The following ADGRB1 variants were observed in gnomAD, a reference collection of about 807,000 sequenced individuals.
ADGRB1 encodes the protein adhesion G protein-coupled receptor B1.
A neutral mutation model predicts 175.7 loss-of-function variants in ADGRB1; 36 were observed. The observed-to-expected ratio is 0.20, with a 90% CI of 0.16 to 0.27. ADGRB1 has a LOEUF of 0.27. Ranked by LOEUF, ADGRB1 falls within the 10% of genes least tolerant of loss-of-function variation. The probability of loss-of-function intolerance (pLI) is 1.00; values close to 1 mark genes in which losing one functional copy is unlikely to be tolerated. For missense variants in ADGRB1, 1,731 were observed against 2,255.3 expected, an observed-to-expected ratio of 0.77 and a Z score of 4.71; for synonymous variants, 1,054 against 979.4, an observed-to-expected ratio of 1.08 and a Z score of -1.42.
rs1342018994 is a variant in ADGRB1, at chr8:142,449,901, G to A, written c.-423G>A. The A allele has an allele frequency of 6.8e-6, 1 of 148,078 alleles. No homozygotes were observed. The highest frequency in any genetic ancestry group is 2.5e-5 in the African/African-American group (1 of 40,802). The allele number at this position is 148,078 out of a possible 1,614,324, so 9.2% of individuals were successfully genotyped here. On this transcript the variant is annotated 5_prime_UTR_variant, in exon 1 of 31. Transcript: ENST00000517894. ...GGCTCCAGCAGGCGCGGGGGAACGG[G>A]AGGGGGCCTGCGTGCGCCGGCGGGT... is the stretch of plus-strand genomic sequence containing the variant.
At chr8:142,463,384 C>G (rs1270265060) in intron 1 of ADGRB1, among the ~76,000 whole-genome samples, 1 of 152,246 alleles carries the variant, frequency 6.6e-6, no homozygotes, top group Non-Finnish European at 1.5e-5. Context: ...CTCTGCACCC[C>G]CTTCCTGCTC....
At chr8:142,461,457 C>A (rs1839965787) in intron 1 of ADGRB1, among the ~76,000 whole-genome samples, 1 of 152,250 alleles carries the variant, frequency 6.6e-6, no homozygotes, top group African/African-American at 2.4e-5. Flanking sequence ...GCGTCGTGGC[C>A]AGCTGGGCTT....
At chr8:142,479,533 C>T (rs773571648) in intron 8 of ADGRB1, 46 bp downstream of exon 8, 3 of 1,508,670 alleles carry the variant, frequency 2.0e-6, no homozygotes, top group South Asian at 1.3e-5. Context: ...GGGCTGATGG[C>T]GATTGGGCGG....
chr8:142,479,092 G>A, intron 7 of ADGRB1: 1 of 444,898 alleles, frequency 2.2e-6, no homozygotes, highest in Non-Finnish European at 3.9e-6. Flanking sequence ...AGGGTGGTGG[G>A]GTTGGCTGCA....
At chr8:142,469,083 G>A (rs1840437958) in intron 2 of ADGRB1, among the ~76,000 whole-genome samples, 1 of 152,272 alleles carries the variant, frequency 6.6e-6, no homozygotes, top group South Asian at 2.1e-4. Flanking sequence ...CGCTGCCATC[G>A]AGTGGTAACA....
chr8:142,526,509 A>ACCCCCCCCCCCCCCC, intron 23 of ADGRB1, 33 bp from the exon 24 acceptor site: 1 of 463,090 alleles, frequency 2.2e-6, no homozygotes, highest in Non-Finnish European at 3.3e-6. Flanking sequence ...GGCGGCCCCC[A>ACCCCCCCCCCCCCCC]CCCCCACACC....
rs145659960 is a variant in ADGRB1 at position 142,527,620 on chromosome 8, CCTCT to C, written c.3398+996_3398+999del. 2.3e-3 allele frequency among the ~76,000 whole-genome samples: 344 copies of C among 152,194 alleles called. 4 individuals are homozygous for C. Among genetic ancestry groups the C allele is most frequent in the African/African-American group, 7.7e-3 (318 of 41,510 alleles). On this transcript the variant is annotated intron_variant, in intron 24 of 30. Transcript: ENST00000517894. ...CCTGGGAGATGGAGGCTGGAACAGG[CCTCT>C]CTAAGGCCTTGCCCTACCTGTCCCC...
chr8:142,474,648 A>AC lies in ADGRB1; in HGVS notation c.785-820dup, dbSNP rs761171502. Among the ~76,000 whole-genome samples the AC allele has an allele frequency of 1.3e-5, 2 of 151,488 alleles. No homozygotes were observed. Among genetic ancestry groups the AC allele is most frequent in the Non-Finnish European group, 2.9e-5 (2 of 67,900 alleles). On this transcript the variant is annotated intron_variant, in intron 2 of 30. Coordinates refer to ENST00000517894, the MANE Select transcript of ADGRB1 (RefSeq NM_001702.3). This position sits in a 1 kb window ranked among gnomAD's most constrained non-coding sequence, Gnocchi z 5.8. ...CCAAAGTGTTTTTGGCAGCACGAGG[A>AC]CCCCCCGGGAGCAGAGACTCCTGGG...
chr8:142,505,995 G>A (rs978534817), intron 17 of ADGRB1, among the ~76,000 whole-genome samples: 5 of 152,208 alleles, frequency 3.3e-5, no homozygotes, highest in Admixed American at 1.3e-4. Flanking sequence ...ACGCGCAGGC[G>A]TCCTGGCTGT....
intron 17 of ADGRB1, among the ~76,000 whole-genome samples, chr8:142,501,555 G>C (rs1197178847): frequency 2.0e-4 from 29 of 146,966 alleles, no homozygotes; most frequent in Non-Finnish European, 4.0e-4. Context: ...GTGATGTGGT[G>C]GTGGTGGTGA....
At chr8:142,451,510 C>T (rs899082469) in intron 1 of ADGRB1, among the ~76,000 whole-genome samples, 1 of 152,074 alleles carries the variant, frequency 6.6e-6, no homozygotes, top group African/African-American at 2.4e-5. Flanking sequence ...AGTTGAAAGG[C>T]AGGAAGGCGT....
chr8:142,518,476 G>A (rs1189106678), intron 19 of ADGRB1, among the ~76,000 whole-genome samples: 4 of 152,156 alleles, frequency 2.6e-5, no homozygotes, highest in Non-Finnish European at 5.9e-5. Flanking sequence ...AACACAGGGG[G>A]TGGGGCCTGG....
Position 142,542,678 on chromosome 8 carries a change from G to A in ADGRB1, c.4413+31G>A. ...GGGGGCAGGGGTGGGCCACACCCCA[G>A]CCAGCGAGGGCAGGGCTGCAGCAGC... is the stretch of plus-strand genomic sequence containing the variant. On this transcript the variant is annotated intron_variant, in intron 28 of 30. Transcript: ENST00000517894. This position sits in a 1 kb window ranked among gnomAD's most constrained non-coding sequence, Gnocchi z 6.3. The A allele has an allele frequency of 6.6e-7, 1 of 1,512,806 alleles. No homozygotes were observed. Among genetic ancestry groups the A allele is most frequent in the Admixed American group, 2.1e-5 (1 of 47,092 alleles). The allele number at this position is 1,512,806 out of a possible 1,614,324, so 93.7% of individuals were successfully genotyped here.
rs1842079756 is a variant in ADGRB1 at position 142,493,570 on chromosome 8, T to C, written c.2675+2755T>C. ...CAGGAGGACAGGAGGCAGGTGCCGG[T>C]GTGGCCCACGCAGTGCCTGGCAGCA... On this transcript the variant is annotated intron_variant, in intron 17 of 30. Coordinates refer to ENST00000517894, the MANE Select transcript of ADGRB1 (RefSeq NM_001702.3). The surrounding 1 kb of genome is among the most constrained non-coding windows in gnomAD (Gnocchi z 5.0). 6.6e-6 allele frequency among the ~76,000 whole-genome samples: 1 copy of C among 152,220 alleles called. No homozygotes were observed. Among genetic ancestry groups the C allele is most frequent in the Admixed American group, 6.5e-5 (1 of 15,290 alleles).
Position 142,488,524 on chromosome 8 carries a change from G to A in ADGRB1, c.2452+17G>A, listed in dbSNP as rs754283496. On this transcript the variant is annotated intron_variant, in intron 14 of 30. Coordinates refer to ENST00000517894, the MANE Select transcript of ADGRB1 (RefSeq NM_001702.3). ...GGCTGACAGGTGAGGGGCCCAGGGA[G>A]TGGAGGGGGACCTTCATGGGGGACG... The A allele has an allele frequency of 1.2e-6, 2 of 1,609,498 alleles. No individual in the cohort carries two copies. The highest frequency in any genetic ancestry group is 3.3e-5 in the Admixed American group (2 of 59,946).
chr8:142,541,491 G>A (rs2132283110), intron 27 of ADGRB1, among the ~76,000 whole-genome samples: 1 of 152,298 alleles, frequency 6.6e-6, no homozygotes, highest in African/African-American at 2.4e-5. Flanking sequence ...GCACCACTGG[G>A]CTCCCGCACA....
chr8:142,464,858 G>A lies in ADGRB1; in HGVS notation c.660G>A (p.Ala220=), dbSNP rs777648360. 2 of 1,521,390 alleles carry A rather than the reference G, an allele frequency of 1.3e-6. No homozygotes were observed. The highest frequency in any genetic ancestry group is 1.8e-6 in the Non-Finnish European group (2 of 1,140,290). 94.2% of individuals were successfully genotyped at this position (1,521,390 alleles called of 1,614,324 possible). A position where few individuals can be genotyped will look rare whatever the true frequency, so the allele number is the denominator to read the frequency against. Reference sequence around the variant, plus strand: ...CCTGCGCCTGCCTGGGCGGCGAGGCGGGCGGCCCTGCCGCGGGACCCCTGG... The same window carrying A: ...CCTGCGCCTGCCTGGGCGGCGAGGCAGGCGGCCCTGCCGCGGGACCCCTGG... ...QTPCACLGGE[A]GGPAAGPLAP... The change falls in exon 2 of 31, where the codon GCG becomes GCA. Residue 220 remains alanine, a synonymous_variant. Transcript: ENST00000517894.
chr8:142,450,829 T>C (rs1395902081), intron 1 of ADGRB1, among the ~76,000 whole-genome samples: 3 of 152,164 alleles, frequency 2.0e-5, no homozygotes, highest in Non-Finnish European at 4.4e-5. Context: ...GCCTGGCTCT[T>C]CCCTCCTTGT....
intron 13 of ADGRB1, 43 bp downstream of exon 13, chr8:142,484,807 C>G (rs749874051): frequency 6.9e-7 from 1 of 1,441,346 alleles, no homozygotes; most frequent in East Asian, 2.4e-5. Flanking sequence ...CCTTGCTTTG[C>G]AGCCCTGGGC....
Sources: gnomAD v4.1 joint callset for allele counts (sites outside exome capture counted in the v4.1 genomes callset) on GRCh38, gnomAD v4.1.1 for gene constraint, Gnocchi (gnomAD v3.1) non-coding constraint, MANE v1.5 for transcripts, NCBI Gene and HGNC (gene_info 2026-07-23, HGNC 2026-07-21) for gene names.